Variants in ZNF710 observed in about 807,000 individuals in gnomAD.
ZNF710 encodes zinc finger protein 710.
ZNF710 carries 13 observed loss-of-function variants against 50.6 expected under a neutral mutation model. That is an observed-to-expected ratio of 0.26 (90% CI 0.17 to 0.41). The LOEUF is 0.41. Ranked by LOEUF, ZNF710 falls within the 10% of genes least tolerant of loss-of-function variation. The probability of loss-of-function intolerance (pLI) is 1.00; values close to 1 mark genes in which losing one functional copy is unlikely to be tolerated. For synonymous variants in ZNF710, 383 were observed against 397.0 expected (o/e 0.96, Z 0.42); for missense variants, 721 against 936.6 (o/e 0.77, Z 3.01).
upstream of ZNF710, among the ~76,000 whole-genome samples, chr15:90,001,121 GA>G (rs1007978984): frequency 6.1e-4 from 93 of 152,114 alleles, no homozygotes; most frequent in African/African-American, 2.0e-3. Context: ...AAAGAGGGAA[GA>G]AAAAAACAGG....
At chr15:90,019,708 T>A (rs1898557773) in intron 1 of ZNF710, among the ~76,000 whole-genome samples, 1 of 152,138 alleles carries the variant, frequency 6.6e-6, no homozygotes, top group Non-Finnish European at 1.5e-5. Context: ...GGCCCGTCGC[T>A]TTACAATGGG....
At chr15:90,019,360 C>T (rs1277959597) in intron 1 of ZNF710, among the ~76,000 whole-genome samples, 1 of 152,032 alleles carries the variant, frequency 6.6e-6, no homozygotes, top group African/African-American at 2.4e-5. Context: ...CTGTTTCTGT[C>T]TTGTAAAGAA....
chr15:90,067,709 T>TCCCGGC lies in ZNF710; in HGVS notation c.581_586dup (p.Pro194_Ala195dup), dbSNP rs1900226296. Reference sequence around the variant, plus strand: ...AACGTGGCCCCATATGACCCTCACTTCCCGGCCCCGGCCCGGGATGGCTTC... The same window carrying TCCCGGC: ...AACGTGGCCCCATATGACCCTCACTTCCCGGCCCCGGCCCCGGCCCGGGATGGCTTC... On this transcript the variant is annotated inframe_insertion, in exon 2 of 5. Transcript: ENST00000268154. This position sits in a 1 kb window ranked among gnomAD's most constrained non-coding sequence, Gnocchi z 8.1. The TCCCGGC allele has an allele frequency of 1.2e-6, 2 of 1,608,138 alleles. No individual in the cohort carries two copies. The highest frequency in any genetic ancestry group is 1.7e-6 in the Non-Finnish European group (2 of 1,177,194).
chr15:90,059,993 G>A lies in ZNF710; in HGVS notation c.-28-7117G>A, dbSNP rs1415221965. Among the ~76,000 whole-genome samples the A allele has an allele frequency of 6.6e-6, 1 of 152,144 alleles. No individual in the cohort carries two copies. The highest frequency in any genetic ancestry group is 2.4e-5 in the African/African-American group (1 of 41,442). ...GGCAAAAGGCCCAGAGCCACATCCT[G>A]GAGGGCTTGAATGCCAGACCCAGGG... On this transcript the variant is annotated intron_variant, in intron 1 of 4. Coordinates refer to ENST00000268154, the MANE Select transcript of ZNF710 (RefSeq NM_198526.4). The surrounding 1 kb of genome is among the most constrained non-coding windows in gnomAD (Gnocchi z 4.1).
Position 90,067,066 on chromosome 15 carries a change from C to T in ZNF710, c.-28-44C>T. 3 of 1,524,164 alleles carry T rather than the reference C, an allele frequency of 2.0e-6. No homozygotes were observed. 94.4% of individuals were successfully genotyped at this position (1,524,164 alleles called of 1,614,324 possible). A position where few individuals can be genotyped will look rare whatever the true frequency, so the allele number is the denominator to read the frequency against. On this transcript the variant is annotated intron_variant, in intron 1 of 4. Coordinates refer to ENST00000268154, the MANE Select transcript of ZNF710 (RefSeq NM_198526.4). The surrounding 1 kb of genome is among the most constrained non-coding windows in gnomAD (Gnocchi z 8.1). ...GTGCTGTGTCTGTTGTCTGTCTGTGCAGGAGTGAGCCAGCAATATTAACCT... is the reference window on the plus strand; with the variant it reads ...GTGCTGTGTCTGTTGTCTGTCTGTGTAGGAGTGAGCCAGCAATATTAACCT...
chr15:90,022,544 C>T (rs1898655867), intron 1 of ZNF710, among the ~76,000 whole-genome samples: 1 of 152,172 alleles, frequency 6.6e-6, no homozygotes, highest in Admixed American at 6.5e-5. Flanking sequence ...CGGGCTTCAT[C>T]CTGAGGCCTG....
chr15:90,047,472 C>T (rs773004493), intron 1 of ZNF710, among the ~76,000 whole-genome samples: 10 of 152,198 alleles, frequency 6.6e-5, no homozygotes, highest in Non-Finnish European at 8.8e-5. Context: ...TGCTTCAAAA[C>T]CTGGTGGGGT....
Position 90,067,884 on chromosome 15 carries a change from G to C in ZNF710, c.747G>C (p.Gln249His), listed in dbSNP as rs201010009. 6.2e-7 allele frequency: 1 copy of C among 1,610,522 alleles called. No individual in the cohort carries two copies. The highest frequency in any genetic ancestry group is 1.1e-5 in the South Asian group (1 of 91,010). Residue 249 changes from glutamine (Q) to histidine (H), a missense_variant, in exon 2 of 5, where the codon CAG becomes CAC. By Grantham distance (24) the Gln-to-His change is conservative. This residue lies in a region of ZNF710 where 326 missense variants were observed against 522.0 expected (regional missense o/e 0.62). Coordinates refer to ENST00000268154, the MANE Select transcript of ZNF710 (RefSeq NM_198526.4). The surrounding 1 kb of genome is among the most constrained non-coding windows in gnomAD (Gnocchi z 8.1). ...PVKPEQGFVWQEASEFEADTA... is the reference protein window; with the variant it reads ...PVKPEQGFVWHEASEFEADTA... ...AGCCGGAACAGGGCTTCGTGTGGCA[G>C]GAGGCCAGTGAGTTCGAGGCTGACA...
chr15:90,076,804 C>T (rs1045881500), intron 4 of ZNF710, among the ~76,000 whole-genome samples: 2 of 151,766 alleles, frequency 1.3e-5, no homozygotes, highest in African/African-American at 4.8e-5. Context: ...AATCGCCCCA[C>T]CCCCATCCCA....
chr15:90,022,152 C>T (rs1016646681), intron 1 of ZNF710, among the ~76,000 whole-genome samples: 7 of 151,790 alleles, frequency 4.6e-5, no homozygotes, highest in Admixed American at 1.3e-4. Flanking sequence ...CCGAGGCGAG[C>T]GAATCACGAG....
intron 1 of ZNF710, among the ~76,000 whole-genome samples, chr15:90,009,419 A>G (rs2151462092): frequency 6.6e-6 from 1 of 152,116 alleles, no homozygotes; most frequent in Middle Eastern, 3.4e-3. Flanking sequence ...GCTGCAAATC[A>G]CAAGACTGTA....
intron 1 of ZNF710, among the ~76,000 whole-genome samples, chr15:90,048,843 C>G (rs1209642312): frequency 1.3e-5 from 2 of 152,208 alleles, no homozygotes; most frequent in Non-Finnish European, 2.9e-5. Flanking sequence ...AAGGGACCCT[C>G]ACAGCCCCAC....
rs1194058986 is a variant in ZNF710 at position 90,079,973 on chromosome 15, C to T, written c.*144C>T. The T allele has an allele frequency of 7.7e-6, 6 of 778,088 alleles. No homozygotes were observed. Among genetic ancestry groups the T allele is most frequent in the Non-Finnish European group, 9.6e-6 (5 of 523,058 alleles). 48.2% of individuals were successfully genotyped at this position (778,088 alleles called of 1,614,324 possible). A position where few individuals can be genotyped will look rare whatever the true frequency, so the allele number is the denominator to read the frequency against. On this transcript the variant is annotated 3_prime_UTR_variant, in exon 5 of 5. Transcript: ENST00000268154. ...CTCCCTCCCCGAGTCATTTGCACCACTAGGGACCTTTAGACCAAATGGAGA... is the reference window on the plus strand; with the variant it reads ...CTCCCTCCCCGAGTCATTTGCACCATTAGGGACCTTTAGACCAAATGGAGA...
intron 1 of ZNF710, among the ~76,000 whole-genome samples, chr15:90,037,608 C>T (rs1899168101): frequency 6.6e-6 from 1 of 152,188 alleles, no homozygotes; most frequent in South Asian, 2.1e-4. Flanking sequence ...CAGCCTTGGA[C>T]ACCACCAGCT....
chr15:90,074,263 G>A lies in ZNF710; in HGVS notation c.1798G>A (p.Val600Ile), dbSNP rs200389335. ...LSRHMKVKHG[V>I]MDIGLDSQDP... ...CCGGCACATGAAGGTCAAGCATGGC[G>A]TCATGGACATCGGCCTGGACAGCCA... Residue 600 changes from valine (V) to isoleucine (I), a missense_variant, in exon 4 of 5, where the codon GTC becomes ATC. This residue lies in a region of ZNF710 where 326 missense variants were observed against 522.0 expected (regional missense o/e 0.62). Coordinates refer to ENST00000268154, the MANE Select transcript of ZNF710 (RefSeq NM_198526.4). 7.4e-6 allele frequency: 12 copies of A among 1,613,706 alleles called. No homozygotes were observed. The highest frequency in any genetic ancestry group is 2.2e-5 in the South Asian group (2 of 91,072).
Position 90,001,491 on chromosome 15 carries a change from G to C in ZNF710, c.-152G>C, listed in dbSNP as rs1567215433. Reference sequence around the variant, plus strand: ...GGAGGGCGGCAGGAGCAGGCGGCGGGCGCGCGTGGAGGCGGGCGGCGGGCG... The same window carrying C: ...GGAGGGCGGCAGGAGCAGGCGGCGGCCGCGCGTGGAGGCGGGCGGCGGGCG... On this transcript the variant is annotated 5_prime_UTR_variant, in exon 1 of 5. Coordinates refer to ENST00000268154, the MANE Select transcript of ZNF710 (RefSeq NM_198526.4). 1 of 151,032 alleles carries C rather than the reference G, an allele frequency of 6.6e-6. No individual in the cohort carries two copies. Among genetic ancestry groups the C allele is most frequent in the East Asian group, 2.0e-4 (1 of 5,046 alleles). 9.4% of individuals were successfully genotyped at this position (151,032 alleles called of 1,614,324 possible).
chr15:90,067,577 G>A lies in ZNF710; in HGVS notation c.440G>A (p.Cys147Tyr). 1 of 1,610,142 alleles carries A rather than the reference G, an allele frequency of 6.2e-7. No individual in the cohort carries two copies. The highest frequency in any genetic ancestry group is 1.1e-5 in the South Asian group (1 of 90,662). The stretch of plus-strand genomic sequence containing the variant: ...CCCGCCGAGGCGGCCAGTGGCGGCT[G>A]CGACGCCCTGGTGCAGAGCAGCGCC... ...EAPAEAASGG[C>Y]DALVQSSAVK... Residue 147 changes from cysteine to tyrosine, a missense_variant, in exon 2 of 5, where the codon TGC becomes TAC. Physicochemically the swap from Cys to Tyr is radical, Grantham distance 194. Transcript: ENST00000268154. This position sits in a 1 kb window ranked among gnomAD's most constrained non-coding sequence, Gnocchi z 8.1.
chr15:90,005,395 G>C (rs896176582), intron 1 of ZNF710, among the ~76,000 whole-genome samples: 4 of 152,200 alleles, frequency 2.6e-5, no homozygotes, highest in Admixed American at 6.5e-5. Context: ...AGAGGATCCT[G>C]AATGGGGTGG....
rs189025824 is a variant in ZNF710 at position 90,040,823 on chromosome 15, A to G, written c.-28-26287A>G. 9.2e-5 allele frequency among the ~76,000 whole-genome samples: 14 copies of G among 152,228 alleles called. No homozygotes were observed. In the East Asian group the frequency reaches 2.7e-3, roughly 29 times the overall value. Reference sequence around the variant, plus strand: ...TGTTACTCCAGTGATTTCTTGATTTATCAATTTCGGACATTATCTTTTGCC... The same window carrying G: ...TGTTACTCCAGTGATTTCTTGATTTGTCAATTTCGGACATTATCTTTTGCC... On this transcript the variant is annotated intron_variant, in intron 1 of 4. Transcript: ENST00000268154. This position sits in a 1 kb window ranked among gnomAD's most constrained non-coding sequence, Gnocchi z 4.6.
Sources: allele counts gnomAD v4.1 joint callset (sites outside exome capture counted in the v4.1 genomes callset), GRCh38; gene constraint gnomAD v4.1.1; regional missense constraint gnomAD v4.1.1; non-coding constraint Gnocchi (gnomAD v3.1); transcripts MANE v1.5; gene names NCBI Gene and HGNC (gene_info 2026-07-23, HGNC 2026-07-21).